Variants in MCHR2 observed in about 807,000 individuals in gnomAD.
MCHR2 encodes melanin concentrating hormone receptor 2.
Under a neutral mutation model 24.8 loss-of-function variants are expected in MCHR2, and 15 were observed. The ratio of observed to expected loss-of-function variants is 0.60; its 90% CI spans 0.40 to 0.93. The LOEUF (loss-of-function observed/expected upper bound fraction) is 0.93. MCHR2 is among the 40% of genes least tolerant of loss of function. The pLI is 0.00. For synonymous variants in MCHR2, 151 were observed against 147.6 expected, an observed-to-expected ratio of 1.02 and a Z score of -0.17; for missense variants, 386 against 408.7, an observed-to-expected ratio of 0.94 and a Z score of 0.48.
intron 1 of MCHR2, among the ~76,000 whole-genome samples, chr6:99,981,415 GT>G (rs1170453532): frequency 1.3e-5 from 2 of 151,398 alleles, no homozygotes; most frequent in Non-Finnish European, 2.9e-5. Flanking sequence ...GACTGGAGCT[GT>G]TTTCCAGTCA....
intron 1 of MCHR2, among the ~76,000 whole-genome samples, chr6:99,977,537 C>A (rs1173179935): frequency 1.3e-5 from 2 of 152,050 alleles, no homozygotes; most frequent in Non-Finnish European, 2.9e-5. Flanking sequence ...GAGCCCATTC[C>A]TCTGCAAAGA....
chr6:99,953,720 C>T (rs927328608), intron 2 of MCHR2, among the ~76,000 whole-genome samples: 4 of 151,452 alleles, frequency 2.6e-5, no homozygotes, highest in African/African-American at 9.7e-5. Flanking sequence ...AACCCTAGGG[C>T]AATGCAGGGC....
chr6:99,957,834 T>G (rs1226175934), intron 1 of MCHR2, among the ~76,000 whole-genome samples: 3 of 152,042 alleles, frequency 2.0e-5, no homozygotes, highest in African/African-American at 7.2e-5. Flanking sequence ...ATTTAACTGA[T>G]GTTAAAGAAA....
chr6:99,962,963 A>C (rs1057380125), intron 1 of MCHR2, among the ~76,000 whole-genome samples: 4 of 152,156 alleles, frequency 2.6e-5, no homozygotes, highest in African/African-American at 4.8e-5. Flanking sequence ...TTATCCAAAG[A>C]CAACATAGAA....
At chr6:99,966,807 TA>T (rs1481140056) in intron 1 of MCHR2, among the ~76,000 whole-genome samples, 1 of 152,300 alleles carries the variant, frequency 6.6e-6, no homozygotes, top group Admixed American at 6.5e-5. Flanking sequence ...ATCTTTTGTA[TA>T]AAGAATCTCT....
chr6:99,952,648 A>T (rs1774986588), intron 2 of MCHR2, among the ~76,000 whole-genome samples: 1 of 152,138 alleles, frequency 6.6e-6, no homozygotes, highest in African/African-American at 2.4e-5. Flanking sequence ...CATTAATACA[A>T]ACTGCCTTAA....
chr6:99,978,201 C>T (rs911329220), intron 1 of MCHR2, among the ~76,000 whole-genome samples: 2 of 152,118 alleles, frequency 1.3e-5, no homozygotes, highest in Non-Finnish European at 2.9e-5. Context: ...CTCTTACTTA[C>T]CTGACATTTA....
Position 99,982,285 on chromosome 6 carries a change from C to G in MCHR2, c.-28+11651G>C, listed in dbSNP as rs534436742. Among the ~76,000 whole-genome samples the G allele has an allele frequency of 4.6e-5, 7 of 151,924 alleles. No homozygotes were observed. The East Asian group carries it at 1.2e-3, about 25-fold the overall frequency. On this transcript the variant is annotated intron_variant, in intron 1 of 5. Coordinates refer to ENST00000281806, the MANE Select transcript of MCHR2 (RefSeq NM_001040179.2). ...ACGACTCACATCAACCCACCTTCCC[C>G]AACCCTACTCAGGATGGCTGTTCGG... is the stretch of plus-strand genomic sequence containing the variant.
intron 2 of MCHR2, among the ~76,000 whole-genome samples, chr6:99,952,754 T>A (rs1774988275): frequency 6.6e-6 from 1 of 152,142 alleles, no homozygotes; most frequent in Admixed American, 6.6e-5. Flanking sequence ...GAAAGATTAA[T>A]ACATTTTTGG....
chr6:99,934,259 A>T (rs761915658), intron 5 of MCHR2, 139 bp downstream of exon 5: 38 of 813,236 alleles, frequency 4.7e-5, no homozygotes, highest in Middle Eastern at 4.1e-4. Flanking sequence ...TTTTCCAAAA[A>T]TTTTTTCTAT....
intron 1 of MCHR2, among the ~76,000 whole-genome samples, chr6:99,985,248 C>T (rs769183548): frequency 1.3e-5 from 2 of 152,248 alleles, no homozygotes; most frequent in Middle Eastern, 3.4e-3. Flanking sequence ...AATGACCATA[C>T]TGCCCAAAAC....
intron 5 of MCHR2, among the ~76,000 whole-genome samples, chr6:99,931,947 G>A (rs953858999): frequency 3.3e-5 from 5 of 152,154 alleles, no homozygotes; most frequent in African/African-American, 1.2e-4. Context: ...GCTGGGAGCT[G>A]TAGACCGGAG....
intron 4 of MCHR2, 40 bp from the exon 5 acceptor site, chr6:99,934,557 A>ATTTAGATAG (rs780647039): frequency 6.7e-7 from 1 of 1,503,484 alleles, no homozygotes; most frequent in Non-Finnish European, 8.9e-7. Flanking sequence ...AGAAAGAACA[A>ATTTAGATAG]CACCATTACA....
At chr6:99,968,829 A>G (rs1308905167) in intron 1 of MCHR2, among the ~76,000 whole-genome samples, 3 of 152,118 alleles carry the variant, frequency 2.0e-5, no homozygotes, top group East Asian at 1.9e-4. Flanking sequence ...TAACAGCAAA[A>G]TGTTCTCCAA....
At chr6:99,930,823 G>A (rs982781121) in intron 5 of MCHR2, among the ~76,000 whole-genome samples, 2 of 152,146 alleles carry the variant, frequency 1.3e-5, no homozygotes, top group African/African-American at 4.8e-5. Context: ...ATCATCTGAA[G>A]ACTTCTTCTC....
chr6:99,973,190 G>T (rs1775468813), intron 1 of MCHR2, among the ~76,000 whole-genome samples: 1 of 151,520 alleles, frequency 6.6e-6, no homozygotes, highest in South Asian at 2.1e-4. Flanking sequence ...ATTATTGTGT[G>T]GGAGTCTAAG....
intron 1 of MCHR2, among the ~76,000 whole-genome samples, chr6:99,988,200 C>T (rs1368489180): frequency 6.6e-6 from 1 of 152,176 alleles, no homozygotes; most frequent in African/African-American, 2.4e-5. Flanking sequence ...TAGACTTTCA[C>T]AGGGGAAGAC....
intron 5 of MCHR2, among the ~76,000 whole-genome samples, chr6:99,922,106 A>ATTTTTT (rs34099388): frequency 7.9e-6 from 1 of 125,870 alleles, no homozygotes; most frequent in Non-Finnish European, 1.7e-5. Context: ...CCATTTGTCC[A>ATTTTTT]TTTTTTTTTT....
intron 1 of MCHR2, among the ~76,000 whole-genome samples, chr6:99,987,798 G>C (rs967548233): frequency 2.0e-5 from 3 of 152,112 alleles, no homozygotes; most frequent in African/African-American, 7.2e-5. Flanking sequence ...CACTTCATTA[G>C]CACCCCAAAA....
Sources: allele counts gnomAD v4.1 joint callset (sites outside exome capture counted in the v4.1 genomes callset), GRCh38; gene constraint gnomAD v4.1.1; transcripts MANE v1.5; gene names NCBI Gene and HGNC (gene_info 2026-07-23, HGNC 2026-07-21).